The following CCDC141 variants were observed in gnomAD, a reference collection of about 807,000 sequenced individuals.
The protein encoded by CCDC141 is coiled-coil domain containing 141, also known as coiled-coil domain-containing protein 141.
In CCDC141, 168 loss-of-function variants were observed where a neutral mutation model predicts 181.0. That is an observed-to-expected ratio of 0.93 (90% CI 0.82 to 1.05). CCDC141 has a LOEUF of 1.05. Ranked by LOEUF, CCDC141 falls within the 50% of genes least tolerant of loss-of-function variation. CCDC141 has a pLI of 0.00. For missense variants in CCDC141, 1,902 were observed against 1,788.5 expected, an observed-to-expected ratio of 1.06 and a Z score of -1.14; for synonymous variants, 666 against 642.3, an observed-to-expected ratio of 1.04 and a Z score of -0.56.
intron 12 of CCDC141, 198 bp downstream of exon 12, chr2:178,877,766 T>C (rs2154369758): frequency 1.6e-6 from 1 of 614,924 alleles, no homozygotes; most frequent in East Asian, 2.9e-5. Flanking sequence ...ACAGCCTTCC[T>C]GTTATAAACT....
chr2:178,896,274 C>T (rs1049488568), intron 8 of CCDC141, among the ~76,000 whole-genome samples: 69 of 152,286 alleles, frequency 4.5e-4, no homozygotes, highest in African/African-American at 1.4e-3. Flanking sequence ...GTCTTGATCT[C>T]AGACTTTCGG....
intron 22 of CCDC141, among the ~76,000 whole-genome samples, chr2:178,838,744 G>C (rs1385483891): frequency 3.9e-5 from 6 of 152,176 alleles, no homozygotes; most frequent in Admixed American, 3.9e-4. Flanking sequence ...CAATAGGAAA[G>C]CACCTGCCAC....
chr2:178,986,630 A>C (rs199767516), intron 2 of CCDC141, among the ~76,000 whole-genome samples: 7,042 of 151,798 alleles, frequency 0.046, 203 homozygotes, highest in South Asian at 0.076. Context: ...CTCAGGATAC[A>C]AAATCAATGT....
intron 2 of CCDC141, among the ~76,000 whole-genome samples, chr2:179,023,287 A>AT (rs1294526925): frequency 3.9e-5 from 6 of 152,174 alleles, no homozygotes; most frequent in Admixed American, 3.3e-4. Flanking sequence ...TGAGGTAGGT[A>AT]TTACTACCTC....
At chr2:178,930,854 T>C (rs1321547452) in intron 6 of CCDC141, among the ~76,000 whole-genome samples, 3 of 152,140 alleles carry the variant, frequency 2.0e-5, no homozygotes, top group African/African-American at 7.2e-5. Context: ...ATCAAATTCT[T>C]AGAAGAAAAC....
intron 10 of CCDC141, among the ~76,000 whole-genome samples, chr2:178,885,886 T>C (rs1686861320): frequency 6.6e-6 from 1 of 152,140 alleles, no homozygotes; most frequent in Non-Finnish European, 1.5e-5. Context: ...GAAGGTAACT[T>C]TAATTTAGAG....
Position 178,843,795 on chromosome 2 carries a change from C to T in CCDC141, c.3474+1831G>A, listed in dbSNP as rs1339745750. 2.0e-5 allele frequency among the ~76,000 whole-genome samples: 3 copies of T among 152,136 alleles called. 1 individual carries two copies. Reference sequence around the variant, plus strand: ...GTTGTGGAGAATCATTACATCTGATCTACATATAAATAATACAGACAATAA... The same window carrying T: ...GTTGTGGAGAATCATTACATCTGATTTACATATAAATAATACAGACAATAA... On this transcript the variant is annotated intron_variant, in intron 22 of 23. Transcript: ENST00000443758.
At chr2:178,983,389 A>C (rs1281698996) in intron 2 of CCDC141, among the ~76,000 whole-genome samples, 2 of 152,208 alleles carry the variant, frequency 1.3e-5, no homozygotes, top group African/African-American at 2.4e-5. Context: ...AAAACTAGAA[A>C]CTCTAAAAAT....
chr2:178,858,129 C>A (rs1685462669), intron 17 of CCDC141, among the ~76,000 whole-genome samples: 1 of 152,064 alleles, frequency 6.6e-6, no homozygotes, highest in Non-Finnish European at 1.5e-5. Flanking sequence ...AGCATAGAGA[C>A]CGCATGAACC....
chr2:178,950,216 T>C (rs1017416503), intron 5 of CCDC141, among the ~76,000 whole-genome samples: 1 of 152,232 alleles, frequency 6.6e-6, no homozygotes, highest in Non-Finnish European at 1.5e-5. Context: ...ACAGTCTCTC[T>C]GGCAATTACC....
In CCDC141 at chr2:178,830,362, G is replaced by A. The variant is rs1684203365; in HGVS notation, c.*3811C>T. The A allele has an allele frequency of 6.6e-6, 1 of 152,156 alleles. No homozygotes were observed. Among genetic ancestry groups the A allele is most frequent in the Non-Finnish European group, 1.5e-5 (1 of 68,026 alleles). The allele number at this position is 152,156 out of a possible 1,614,324, so 9.4% of individuals were successfully genotyped here. A position where few individuals can be genotyped will look rare whatever the true frequency, so the allele number is the denominator to read the frequency against. ...GAGGGTCTGGAGGGTTCTCACACAAGTTTTGCAGATGAGGTGAGAGATTTT... is the reference window on the plus strand; with the variant it reads ...GAGGGTCTGGAGGGTTCTCACACAAATTTTGCAGATGAGGTGAGAGATTTT... On this transcript the variant is annotated 3_prime_UTR_variant, in exon 24 of 24. Transcript: ENST00000443758.
intron 2 of CCDC141, among the ~76,000 whole-genome samples, chr2:179,015,105 A>ATCATATATATATATACATATATATAT (rs1559048793): frequency 0.017 from 365 of 21,360 alleles, 36 homozygotes; most frequent in East Asian, 0.15. Flanking sequence ...TATATATATA[A>ATCATATATATATATACATATATATAT]TATATATATA....
At chr2:178,961,601 G>T in intron 4 of CCDC141, 118 bp from the exon 5 acceptor site, 1 of 872,360 alleles carries the variant, frequency 1.1e-6, no homozygotes, top group Non-Finnish European at 1.7e-6. Context: ...AAAACAAGTT[G>T]TGCTGCAAGG....
rs139520041 is a variant in CCDC141, at chr2:178,882,605, A to T, written c.1719+2296T>A. ...TCATTTTTTTTTTCAGGGACGTATGAGTTAAGAACATTGGATGAGATTTAG... is the reference window on the plus strand; with the variant it reads ...TCATTTTTTTTTTCAGGGACGTATGTGTTAAGAACATTGGATGAGATTTAG... On this transcript the variant is annotated intron_variant, in intron 11 of 23. Transcript: ENST00000443758. Among the ~76,000 whole-genome samples, 121 of 152,080 alleles carry T rather than the reference A, an allele frequency of 8.0e-4. No homozygotes were observed. In the East Asian group the frequency reaches 0.02, roughly 26 times the overall value.
the CCDC141 span, among the ~76,000 whole-genome samples, chr2:178,816,795 A>T: frequency 2.0e-5 from 3 of 152,320 alleles, no homozygotes; most frequent in East Asian, 5.8e-4. Flanking sequence ...TGGGATAATT[A>T]GGGAGTATTC....
chr2:178,982,944 G>C (rs1575301842), intron 2 of CCDC141, among the ~76,000 whole-genome samples: 1 of 152,276 alleles, frequency 6.6e-6, no homozygotes, highest in Non-Finnish European at 1.5e-5. Flanking sequence ...CTGGAAGCTC[G>C]AACTGGATGG....
At chr2:179,006,620 T>G (rs2042129996) in intron 2 of CCDC141, among the ~76,000 whole-genome samples, 1 of 152,172 alleles carries the variant, frequency 6.6e-6, no homozygotes, top group African/African-American at 2.4e-5. Flanking sequence ...GCATGTGAAA[T>G]GTTTAACTTT....
chr2:178,978,288 T>C (rs1017899230), intron 3 of CCDC141, among the ~76,000 whole-genome samples, 196 bp downstream of exon 3: 3 of 152,186 alleles, frequency 2.0e-5, no homozygotes, highest in African/African-American at 7.2e-5. Context: ...TGTTTTTGTT[T>C]GAAGATCTAC....
intron 2 of CCDC141, among the ~76,000 whole-genome samples, chr2:179,018,894 A>C (rs1001219369): frequency 2.0e-5 from 3 of 152,220 alleles, no homozygotes; most frequent in Non-Finnish European, 2.9e-5. Context: ...TCAATGTTCT[A>C]AAATTCATAT....
Sources: allele counts gnomAD v4.1 joint callset (sites outside exome capture counted in the v4.1 genomes callset), GRCh38; gene constraint gnomAD v4.1.1; transcripts MANE v1.5; gene names NCBI Gene and HGNC (gene_info 2026-07-23, HGNC 2026-07-21).